SDK2: variants seen among roughly 807,000 people sequenced by gnomAD.
SDK2 encodes sidekick cell adhesion molecule 2.
In SDK2, 105 loss-of-function variants were observed where a neutral mutation model predicts 253.9. The observed-to-expected ratio is 0.41, with a 90% CI of 0.35 to 0.49. The LOEUF (loss-of-function observed/expected upper bound fraction) is 0.49. SDK2 is among the 20% of genes least tolerant of loss of function. SDK2 has a pLI of 0.06. For synonymous variants in SDK2, 1,249 were observed against 1,234.9 expected (o/e 1.01, Z -0.24); for missense variants, 2,608 against 3,003.0 (o/e 0.87, Z 3.07).
intron 3 of SDK2, among the ~76,000 whole-genome samples, chr17:73,463,869 A>C (rs868380964): frequency 6.6e-6 from 1 of 152,172 alleles, no homozygotes; most frequent in African/African-American, 2.4e-5. Flanking sequence ...TCTCTAAGGT[A>C]TGTGCCTAGA....
At chr17:73,391,791 A>G (rs2062930422) in intron 27 of SDK2, among the ~76,000 whole-genome samples, 1 of 152,198 alleles carries the variant, frequency 6.6e-6, no homozygotes, top group Non-Finnish European at 1.5e-5. Context: ...TCCTCTGCTC[A>G]TTGTCTGTAT....
rs1328960460 is a variant in SDK2, at chr17:73,570,208, C to G, written c.65-62611G>C. Among the ~76,000 whole-genome samples the G allele has an allele frequency of 6.6e-6, 1 of 152,106 alleles. No homozygotes were observed. Among genetic ancestry groups the G allele is most frequent in the Non-Finnish European group, 1.5e-5 (1 of 68,008 alleles). On this transcript the variant is annotated intron_variant, in intron 1 of 44. Coordinates refer to ENST00000392650, the MANE Select transcript of SDK2 (RefSeq NM_001144952.2). This position sits in a 1 kb window ranked among gnomAD's most constrained non-coding sequence, Gnocchi z 4.2. ...GGGGCCCAGCCTTGCTACCTCCCCT[C>G]CCTGTTTACACCCCTGCCTCCTAAG...
At position 73,618,754 on chromosome 17, in the gene SDK2, T is replaced by C. The variant is rs1379566290; in HGVS notation, c.64+25271A>G. Reference sequence around the variant, plus strand: ...CCATCCTCACGGCCAAGGAAAGCAATGCCAGGAATAAAGGCGATGGACAGG... The same window carrying C: ...CCATCCTCACGGCCAAGGAAAGCAACGCCAGGAATAAAGGCGATGGACAGG... On this transcript the variant is annotated intron_variant, in intron 1 of 44. Coordinates refer to ENST00000392650, the MANE Select transcript of SDK2 (RefSeq NM_001144952.2). This position sits in a 1 kb window ranked among gnomAD's most constrained non-coding sequence, Gnocchi z 4.1. Among the ~76,000 whole-genome samples, 1 of 152,066 alleles carries C rather than the reference T, an allele frequency of 6.6e-6. No individual in the cohort carries two copies. Among genetic ancestry groups the C allele is most frequent in the Non-Finnish European group, 1.5e-5 (1 of 68,008 alleles).
At chr17:73,384,106 G>A (rs1366094230) in intron 32 of SDK2, 95 bp from the exon 33 acceptor site, 2 of 1,373,780 alleles carry the variant, frequency 1.5e-6, no homozygotes, top group African/African-American at 2.9e-5. Context: ...CACAGAGCAG[G>A]GACTATGTTT....
chr17:73,632,401 T>C (rs1430327072), intron 1 of SDK2, among the ~76,000 whole-genome samples: 1 of 152,092 alleles, frequency 6.6e-6, no homozygotes, highest in African/African-American at 2.4e-5. Flanking sequence ...GTGTGAGAGG[T>C]TTCCTGCCCT....
chr17:73,334,758 T>C lies in SDK2; in HGVS notation c.*3829A>G, dbSNP rs961076464. The C allele has an allele frequency of 1.3e-5, 2 of 152,226 alleles. No homozygotes were observed. Among genetic ancestry groups the C allele is most frequent in the African/African-American group, 4.8e-5 (2 of 41,444 alleles). 9.4% of individuals were successfully genotyped at this position (152,226 alleles called of 1,614,324 possible). A position where few individuals can be genotyped will look rare whatever the true frequency, so the allele number is the denominator to read the frequency against. On this transcript the variant is annotated 3_prime_UTR_variant, in exon 45 of 45. Transcript: ENST00000392650. ...TCAGGTGGTGGTCAGGATTGCCATGTGCGCATGCCCATGGGTGTCCCTGGA... is the reference window on the plus strand; with the variant it reads ...TCAGGTGGTGGTCAGGATTGCCATGCGCGCATGCCCATGGGTGTCCCTGGA...
chr17:73,364,426 G>T (rs2062667130), intron 38 of SDK2, among the ~76,000 whole-genome samples: 1 of 152,098 alleles, frequency 6.6e-6, no homozygotes, highest in Non-Finnish European at 1.5e-5. Context: ...TAGCAGTGGG[G>T]GGTGCAGGGA....
intron 2 of SDK2, among the ~76,000 whole-genome samples, chr17:73,486,561 G>C (rs560257780): frequency 1.5e-4 from 22 of 143,562 alleles, no homozygotes; most frequent in African/African-American, 5.1e-4. Flanking sequence ...AGTAAGCTAT[G>C]ATTGCACCAC....
At chr17:73,519,050 G>A (rs999355267) in intron 1 of SDK2, 1 of 152,258 alleles carries the variant, frequency 6.6e-6, no homozygotes, top group African/African-American at 2.4e-5. Flanking sequence ...AAGAGACACT[G>A]TCTTCCTACA....
At position 73,394,102 on chromosome 17, in the gene SDK2, C is replaced by T. The variant is rs79979395; in HGVS notation, c.3708+107G>A. 1.1e-4 allele frequency: 67 copies of T among 624,228 alleles called. No individual in the cohort carries two copies. The East Asian group carries it at 2.0e-3, about 18-fold the overall frequency. The allele number at this position is 624,228 out of a possible 1,614,324, so 38.7% of individuals were successfully genotyped here. On this transcript the variant is annotated intron_variant, in intron 26 of 44. Coordinates refer to ENST00000392650, the MANE Select transcript of SDK2 (RefSeq NM_001144952.2). ...GGACGCCAGGCAGATCCCCTGTATC[C>T]ACTCTAGGAGGCAGAGACCTAGAGG...
intron 6 of SDK2, among the ~76,000 whole-genome samples, chr17:73,440,371 G>C (rs962225730): frequency 6.6e-6 from 1 of 152,084 alleles, no homozygotes; most frequent in Non-Finnish European, 1.5e-5. Flanking sequence ...CTCCCAAAGT[G>C]CTGGGATTAC....
chr17:73,522,728 G>C (rs2064092301), intron 1 of SDK2, among the ~76,000 whole-genome samples: 3 of 152,218 alleles, frequency 2.0e-5, no homozygotes, highest in Non-Finnish European at 4.4e-5. Flanking sequence ...CTCCTCTCTG[G>C]AGGAACCTGG....
Position 73,401,984 on chromosome 17 carries a change from G to T in SDK2, c.2642C>A (p.Pro881Gln). The change falls in exon 19 of 45, where the codon CCA becomes CAA. Residue 881 changes from proline (P) to glutamine (Q), a missense_variant. Coordinates refer to ENST00000392650, the MANE Select transcript of SDK2 (RefSeq NM_001144952.2). ...GCGCACCAGCTGCGGGGTGCTGCGT[G>T]GCCCGTCCCCGGGGGTGGTGAAACA... ...VLCFTTPGDG[P>Q]RSTPQLVRTH... 1 of 1,613,280 alleles carries T rather than the reference G, an allele frequency of 6.2e-7. No homozygotes were observed. Among genetic ancestry groups the T allele is most frequent in the Non-Finnish European group, 8.5e-7 (1 of 1,179,652 alleles).
chr17:73,553,179 G>A (rs995397152), intron 1 of SDK2, among the ~76,000 whole-genome samples: 1 of 152,152 alleles, frequency 6.6e-6, no homozygotes, highest in Non-Finnish European at 1.5e-5. Context: ...ACCTTCTGGG[G>A]TGTGTGTGTG....
chr17:73,342,328 A>G (rs1453391959), intron 44 of SDK2, among the ~76,000 whole-genome samples: 1 of 152,122 alleles, frequency 6.6e-6, no homozygotes, highest in Non-Finnish European at 1.5e-5. Context: ...GCAGCACAAT[A>G]CAAGCCCCTT....
intron 28 of SDK2, 87 bp from the exon 29 acceptor site, chr17:73,390,568 A>G (rs769695977): frequency 1.4e-4 from 192 of 1,363,786 alleles, no homozygotes; most frequent in Admixed American, 1.8e-4. Context: ...CCAAAGCCAC[A>G]GCTGTGTCTG....
At chr17:73,607,361 GC>G (rs746758069) in intron 1 of SDK2, among the ~76,000 whole-genome samples, 16 of 151,570 alleles carry the variant, frequency 1.1e-4, no homozygotes, top group Non-Finnish European at 2.2e-4. Context: ...GCAGGGAGAG[GC>G]CCACACGCAC....
At chr17:73,543,728 G>C (rs2044909620) in intron 1 of SDK2, among the ~76,000 whole-genome samples, 1 of 152,264 alleles carries the variant, frequency 6.6e-6, no homozygotes, top group Non-Finnish European at 1.5e-5. Context: ...CCAGAGTCCA[G>C]CCTGACCAGC....
chr17:73,641,012 C>T (rs892091298), intron 1 of SDK2: 1 of 152,232 alleles, frequency 6.6e-6, no homozygotes. Flanking sequence ...CAATCAGTGT[C>T]TGGGAGCGGA....
Sources: gnomAD v4.1 joint callset for allele counts (sites outside exome capture counted in the v4.1 genomes callset) on GRCh38, gnomAD v4.1.1 for gene constraint, Gnocchi (gnomAD v3.1) non-coding constraint, MANE v1.5 for transcripts, NCBI Gene and HGNC (gene_info 2026-07-23, HGNC 2026-07-21) for gene names.